Variants in CDC14B observed in about 807,000 individuals in gnomAD.
CDC14B encodes the protein dual specificity protein phosphatase CDC14B.
Under a neutral mutation model 64.2 loss-of-function variants are expected in CDC14B, and 22 were observed. The observed-to-expected ratio is 0.34, with a 90% CI of 0.24 to 0.49. The LOEUF (loss-of-function observed/expected upper bound fraction) is 0.49. Among genes scored for constraint, CDC14B ranks in the 20% least tolerant of loss-of-function variants. The pLI is 0.99. For synonymous variants in CDC14B, 191 were observed against 215.8 expected (o/e 0.89, Z 1.01); for missense variants, 498 against 629.9 (o/e 0.79, Z 2.24).
chr9:96,541,771 G>T, intron 6 of CDC14B, 55 bp downstream of exon 6: 1 of 1,255,816 alleles, frequency 8.0e-7, no homozygotes, highest in Non-Finnish European at 1.1e-6. Flanking sequence ...TAGTTTTCTT[G>T]GACCGCATGT....
At chr9:96,521,979 A>G (rs1836801816) in intron 12 of CDC14B, among the ~76,000 whole-genome samples, 1 of 152,250 alleles carries the variant, frequency 6.6e-6, no homozygotes, top group South Asian at 2.1e-4. Context: ...ACATACACTC[A>G]GTACTACAAC....
At chr9:96,542,926 TG>T (rs1840274294) in intron 5 of CDC14B, among the ~76,000 whole-genome samples, 1 of 151,778 alleles carries the variant, frequency 6.6e-6, no homozygotes, top group Non-Finnish European at 1.5e-5. Context: ...GAGAATTGCT[TG>T]AACAAGAGAG....
At chr9:96,611,102 A>AAG (rs966654463) in intron 1 of CDC14B, among the ~76,000 whole-genome samples, 1 of 151,868 alleles carries the variant, frequency 6.6e-6, no homozygotes, top group African/African-American at 2.4e-5. Context: ...AAAAAAAAAA[A>AAG]AGAGAGAGAG....
intron 1 of CDC14B, among the ~76,000 whole-genome samples, chr9:96,573,499 G>A (rs1329761697): frequency 6.6e-6 from 1 of 151,968 alleles, no homozygotes; most frequent in Non-Finnish European, 1.5e-5. Flanking sequence ...TGGATAAATG[G>A]AGAAATAAAG....
Position 96,502,438 on chromosome 9 carries a change from TTG to T in CDC14B, c.*1313_*1314del, listed in dbSNP as rs1833633197. Reference sequence around the variant, plus strand: ...GTTGCCTACTAATCTGGCGCACGCCTTGTGGCTTAGGAGGGCATTTGTTTCCC... The same window carrying T: ...GTTGCCTACTAATCTGGCGCACGCCTTGGCTTAGGAGGGCATTTGTTTCCC... On this transcript the variant is annotated 3_prime_UTR_variant, in exon 14 of 14. Transcript: ENST00000375241. The T allele has an allele frequency of 6.2e-6, 1 of 161,698 alleles. No homozygotes were observed. Among genetic ancestry groups the T allele is most frequent in the Non-Finnish European group, 1.3e-5 (1 of 74,592 alleles). The allele number at this position is 161,698 out of a possible 1,614,324, so 10.0% of individuals were successfully genotyped here.
chr9:96,585,456 G>A (rs1845405944), intron 1 of CDC14B, among the ~76,000 whole-genome samples: 2 of 151,980 alleles, frequency 1.3e-5, no homozygotes, highest in Non-Finnish European at 2.9e-5. Context: ...TTAAAAATGG[G>A]AACCAGGGCA....
At chr9:96,497,289 CGGGG>C (rs1833294810), downstream of CDC14B, among the ~76,000 whole-genome samples, 1 of 103,902 alleles carries the variant, frequency 9.6e-6, no homozygotes, top group Non-Finnish European at 2.2e-5. Context: ...GGGTTAGAGG[CGGGG>C]AGGCAGGGGC....
chr9:96,509,855 A>G, intron 12 of CDC14B, 66 bp from the exon 13 acceptor site: 1 of 1,027,982 alleles, frequency 9.7e-7, no homozygotes. Context: ...TTGACAGAGG[A>G]AAGTATTTTT....
chr9:96,603,791 T>A (rs1459249238), intron 1 of CDC14B, among the ~76,000 whole-genome samples: 3 of 151,976 alleles, frequency 2.0e-5, no homozygotes, highest in Non-Finnish European at 2.9e-5. Context: ...AAGATTTTAA[T>A]AAAGAGAGGA....
At chr9:96,577,364 G>C (rs1844876110) in intron 1 of CDC14B, among the ~76,000 whole-genome samples, 1 of 151,486 alleles carries the variant, frequency 6.6e-6, no homozygotes, top group Admixed American at 6.6e-5. Context: ...GACATTAAAA[G>C]AAAACTCAAC....
intron 1 of CDC14B, among the ~76,000 whole-genome samples, chr9:96,610,478 G>A (rs1489036708): frequency 2.0e-5 from 3 of 152,064 alleles, no homozygotes; most frequent in African/African-American, 7.2e-5. Flanking sequence ...GATTACAGGC[G>A]TGAGCCACCG....
At chr9:96,566,798 C>A (rs760375242) in intron 1 of CDC14B, 2 of 1,606,884 alleles carry the variant, frequency 1.2e-6, no homozygotes, top group East Asian at 2.2e-5. Flanking sequence ...AAAGCTGCCC[C>A]CGCGCCCTCC....
intron 9 of CDC14B, among the ~76,000 whole-genome samples, chr9:96,531,085 G>T (rs1008669317): frequency 2.6e-5 from 4 of 152,124 alleles, no homozygotes; most frequent in Admixed American, 1.3e-4. Flanking sequence ...ATCGATGTTC[G>T]TAAGGGATAC....
chr9:96,509,858 G>C, intron 12 of CDC14B, 69 bp from the exon 13 acceptor site: 1 of 991,588 alleles, frequency 1.0e-6, no homozygotes, highest in South Asian at 1.5e-5. Context: ...ACAGAGGAAA[G>C]TATTTTTGCA....
chr9:96,509,142 G>A (rs1038425621), intron 13 of CDC14B, among the ~76,000 whole-genome samples: 5 of 152,154 alleles, frequency 3.3e-5, no homozygotes, highest in Non-Finnish European at 1.5e-5. Context: ...CAGAGTCACC[G>A]ACGTGGCCAC....
At chr9:96,594,714 C>CAAAAA (rs11414625) in intron 1 of CDC14B, among the ~76,000 whole-genome samples, 3 of 42,426 alleles carry the variant, frequency 7.1e-5, no homozygotes, top group Non-Finnish European at 1.3e-4. Flanking sequence ...AAGGCTGTCT[C>CAAAAA]AAAAAAAAAA....
At chr9:96,533,847 A>T in intron 9 of CDC14B, 80 bp downstream of exon 9, 4 of 839,218 alleles carry the variant, frequency 4.8e-6, no homozygotes, top group Non-Finnish European at 7.0e-6. Flanking sequence ...CTGACACATA[A>T]ACTAAATGAA....
intron 4 of CDC14B, among the ~76,000 whole-genome samples, chr9:96,552,444 T>A (rs554883220): frequency 6.6e-6 from 1 of 152,376 alleles, no homozygotes; most frequent in Admixed American, 6.5e-5. Flanking sequence ...ACCTCAAGTA[T>A]ATTCTTCAGC....
intron 1 of CDC14B, among the ~76,000 whole-genome samples, chr9:96,583,657 A>C (rs1204374331): frequency 1.3e-5 from 2 of 151,970 alleles, no homozygotes; most frequent in Non-Finnish European, 2.9e-5. Context: ...CAGCCTCCCA[A>C]AGTGCTGGGA....
Sources: allele counts gnomAD v4.1 joint callset (sites outside exome capture counted in the v4.1 genomes callset), GRCh38; gene constraint gnomAD v4.1.1; transcripts MANE v1.5; gene names NCBI Gene and HGNC (gene_info 2026-07-23, HGNC 2026-07-21).